The following TNRC6C variants were observed in gnomAD, a reference collection of about 807,000 sequenced individuals.
TNRC6C encodes trinucleotide repeat containing adaptor 6C.
TNRC6C carries 20 observed loss-of-function variants against 153.7 expected under a neutral mutation model. The observed-to-expected ratio is 0.13, with a 90% CI of 0.09 to 0.19. The LOEUF (loss-of-function observed/expected upper bound fraction) is 0.19. TNRC6C is among the 10% of genes least tolerant of loss of function. The probability of loss-of-function intolerance (pLI) is 1.00; values close to 1 mark genes in which losing one functional copy is unlikely to be tolerated. For synonymous variants in TNRC6C, 811 were observed against 841.4 expected, an observed-to-expected ratio of 0.96 and a Z score of 0.63; for missense variants, 1,987 against 2,172.0, an observed-to-expected ratio of 0.91 and a Z score of 1.69.
intron 1 of TNRC6C, among the ~76,000 whole-genome samples, chr17:78,028,699 CAATGTTGACTTAA>C (rs1437247031): frequency 6.6e-6 from 1 of 152,160 alleles, no homozygotes; most frequent in East Asian, 1.9e-4. Context: ...AACCACCCCC[CAATGTTGACTTAA>C]AATATTTTTT....
chr17:78,086,317 G>A (rs58744297), intron 11 of TNRC6C, among the ~76,000 whole-genome samples, 186 bp from the exon 14 acceptor site: 16,699 of 118,002 alleles, frequency 0.14, 1,307 homozygotes, highest in East Asian at 0.25. Context: ...ATGACAGAGC[G>A]AGACTCCATC....
chr17:78,100,235 G>T (rs1452180578), intron 17 of TNRC6C, among the ~76,000 whole-genome samples: 1 of 152,202 alleles, frequency 6.6e-6, no homozygotes, highest in African/African-American at 2.4e-5. Context: ...CTACTAGGTG[G>T]TGCCCCAGTA....
At chr17:77,961,896 C>G (rs932171398) in intron 1 of TNRC6C, among the ~76,000 whole-genome samples, 1 of 152,218 alleles carries the variant, frequency 6.6e-6, no homozygotes, top group Non-Finnish European at 1.5e-5. Context: ...TCCTGAGATA[C>G]ATTTGTGCTT....
chr17:77,963,640 A>G (rs1315099458), intron 1 of TNRC6C, among the ~76,000 whole-genome samples: 1 of 152,230 alleles, frequency 6.6e-6, no homozygotes, highest in Non-Finnish European at 1.5e-5. Flanking sequence ...GCATCCAGCC[A>G]TAAAACATCA....
At chr17:78,003,782 G>A (rs2071450343), upstream of TNRC6C, among the ~76,000 whole-genome samples, 1 of 152,210 alleles carries the variant, frequency 6.6e-6, no homozygotes, top group Non-Finnish European at 1.5e-5. Context: ...AATAAAGCAT[G>A]GCCAGGCTTG....
chr17:78,093,865 G>A lies in TNRC6C; in HGVS notation c.4306+102G>A, dbSNP rs1267132926. The A allele has an allele frequency of 4.8e-6, 7 of 1,445,340 alleles. No homozygotes were observed. The East Asian group carries it at 1.4e-4, about 29-fold the overall frequency. The allele number at this position is 1,445,340 out of a possible 1,614,324, so 89.5% of individuals were successfully genotyped here. A position where few individuals can be genotyped will look rare whatever the true frequency, so the allele number is the denominator to read the frequency against. ...GGGCTGTGAGGCAGGGATGATACAA[G>A]GCACAGTTGGCGGGCACCTTTTCTA... On this transcript the variant is annotated intron_variant, in intron 16 of 19. Transcript: ENST00000301624.
At chr17:78,010,647 A>C (rs555782786) in intron 1 of TNRC6C, among the ~76,000 whole-genome samples, 129 of 152,342 alleles carry the variant, frequency 8.5e-4, no homozygotes, top group African/African-American at 3.0e-3. Context: ...AATTCCTAAG[A>C]AATTGATTGT....
chr17:78,023,788 G>A (rs1189485047), intron 1 of TNRC6C, among the ~76,000 whole-genome samples: 2 of 150,854 alleles, frequency 1.3e-5, no homozygotes, highest in Non-Finnish European at 3.0e-5. Context: ...CTTGGGCAAC[G>A]GAAGTGAGAC....
At chr17:78,093,885 T>G (rs2073436255) in intron 16 of TNRC6C, 122 bp downstream of exon 18, 1 of 1,201,894 alleles carries the variant, frequency 8.3e-7, no homozygotes, top group Non-Finnish European at 1.1e-6. Flanking sequence ...GCGGGCACCT[T>G]TTCTAGTCAC....
At chr17:78,056,177 A>AG (rs1358833325) in intron 3 of TNRC6C, among the ~76,000 whole-genome samples, 3 of 145,652 alleles carry the variant, frequency 2.1e-5, no homozygotes, top group African/African-American at 7.7e-5. Flanking sequence ...TTTTTTCTTG[A>AG]GGCAGAGTCT....
chr17:78,047,902 C>G (rs2072441616), intron 2 of TNRC6C, among the ~76,000 whole-genome samples: 1 of 152,082 alleles, frequency 6.6e-6, no homozygotes, highest in South Asian at 2.1e-4. Flanking sequence ...GTTGGAAATA[C>G]TCAAATAATT....
At chr17:78,032,086 G>A (rs1186290130) in intron 2 of TNRC6C, among the ~76,000 whole-genome samples, 1 of 152,170 alleles carries the variant, frequency 6.6e-6, no homozygotes, top group Non-Finnish European at 1.5e-5. Context: ...TTTTTCATCA[G>A]AAACTAAAGG....
At chr17:78,054,395 C>T (rs2072603248) in intron 3 of TNRC6C, among the ~76,000 whole-genome samples, 1 of 151,748 alleles carries the variant, frequency 6.6e-6, no homozygotes, top group African/African-American at 2.4e-5. Flanking sequence ...GAGACTACTG[C>T]AGAGTACTGT....
At chr17:78,098,300 T>A (rs1391716808) in intron 16 of TNRC6C, 43 bp from the exon 20 acceptor site, 1 of 1,527,352 alleles carries the variant, frequency 6.5e-7, no homozygotes, top group Non-Finnish European at 8.8e-7. Flanking sequence ...AGTTTTCTTC[T>A]TTGTCTCAAG....
chr17:78,027,852 G>C (rs1426026873), intron 1 of TNRC6C, among the ~76,000 whole-genome samples: 3 of 152,060 alleles, frequency 2.0e-5, no homozygotes, highest in Admixed American at 6.5e-5. Flanking sequence ...AACAGATGTG[G>C]GACAAAGAAC....
At chr17:78,085,000 G>A (rs2073254663) in intron 11 of TNRC6C, among the ~76,000 whole-genome samples, 1 of 152,180 alleles carries the variant, frequency 6.6e-6, no homozygotes, top group Admixed American at 6.5e-5. Context: ...GGGAGGCAGT[G>A]CACATGTGCA....
chr17:78,048,792 C>T, intron 2 of TNRC6C, 53 bp from the exon 5 acceptor site: 1 of 1,230,968 alleles, frequency 8.1e-7, no homozygotes, highest in Non-Finnish European at 1.0e-6. Context: ...ACAGTTGATT[C>T]ATTGACAAAT....
exon 20 of TNRC6C, chr17:78,106,412 A>G (rs1008398545): frequency 1.3e-5 from 2 of 152,084 alleles, no homozygotes; most frequent in African/African-American, 4.8e-5. Context: ...CGTTGTGGCC[A>G]CTGTCTTGCA....
At chr17:77,961,596 T>C (rs904738389) in intron 1 of TNRC6C, among the ~76,000 whole-genome samples, 10 of 152,374 alleles carry the variant, frequency 6.6e-5, no homozygotes, top group Admixed American at 5.9e-4. Context: ...GTGTTGGTTT[T>C]AGATTTTCGT....
Sources: allele counts gnomAD v4.1 joint callset (sites outside exome capture counted in the v4.1 genomes callset), GRCh38; gene constraint gnomAD v4.1.1; transcripts MANE v1.5; gene names NCBI Gene and HGNC (gene_info 2026-07-23, HGNC 2026-07-21).